The following FSTL5 variants were observed in gnomAD, a reference collection of about 807,000 sequenced individuals.
FSTL5 encodes the protein follistatin-related protein 5.
FSTL5 carries 62 observed loss-of-function variants against 89.1 expected under a neutral mutation model. That is an observed-to-expected ratio of 0.70 (90% CI 0.57 to 0.86). The LOEUF is 0.86. Among genes scored for constraint, FSTL5 ranks in the 40% least tolerant of loss-of-function variants. FSTL5 has a pLI of 0.00. For synonymous variants in FSTL5, 383 were observed against 346.2 expected (o/e 1.11, Z -1.18); for missense variants, 1,057 against 1,001.6 (o/e 1.06, Z -0.75).
At chr4:161,566,534 T>C (rs775705503) in intron 8 of FSTL5, among the ~76,000 whole-genome samples, 19 of 150,784 alleles carry the variant, frequency 1.3e-4, no homozygotes, top group Non-Finnish European at 2.2e-4. Context: ...ATCGCCAAAC[T>C]GTTCTCCACA....
At chr4:161,847,806 G>C (rs1731416386) in intron 4 of FSTL5, among the ~76,000 whole-genome samples, 1 of 151,896 alleles carries the variant, frequency 6.6e-6, no homozygotes, top group African/African-American at 2.4e-5. Context: ...GGAGGCCAGG[G>C]CGGGAAGATC....
chr4:161,543,849 T>C (rs1731915525), intron 8 of FSTL5, among the ~76,000 whole-genome samples: 2 of 152,060 alleles, frequency 1.3e-5, no homozygotes, highest in South Asian at 2.1e-4. Context: ...AAATGGACAA[T>C]TGTTTCTTCT....
chr4:161,940,907 G>T lies in FSTL5; in HGVS notation c.161-20255C>A, dbSNP rs1734563475. 2.0e-5 allele frequency among the ~76,000 whole-genome samples: 3 copies of T among 151,734 alleles called. No homozygotes were observed. The South Asian group carries it at 6.2e-4, about 31-fold the overall frequency. On this transcript the variant is annotated intron_variant, in intron 3 of 15. Transcript: ENST00000306100. ...CAGTATTATTGGACTGAGAGTAGTAGTTCCCTTTTTTGTTTTTCATTATGT... is the reference window on the plus strand; with the variant it reads ...CAGTATTATTGGACTGAGAGTAGTATTTCCCTTTTTTGTTTTTCATTATGT...
chr4:161,918,192 A>C lies in FSTL5; in HGVS notation c.409+2212T>G, dbSNP rs933411884. 2.6e-5 allele frequency among the ~76,000 whole-genome samples: 4 copies of C among 152,190 alleles called. No individual in the cohort carries two copies. The East Asian group carries it at 7.7e-4, about 29-fold the overall frequency. On this transcript the variant is annotated intron_variant, in intron 4 of 15. Transcript: ENST00000306100. The stretch of plus-strand genomic sequence containing the variant: ...TACAGAATCTTCTTTTACAATCAAA[A>C]CTTGGCCCAATGCACACTAATAAGA...
intron 8 of FSTL5, among the ~76,000 whole-genome samples, chr4:161,565,788 TATG>T (rs1380187390): frequency 1.1e-5 from 1 of 88,524 alleles, no homozygotes; most frequent in Non-Finnish European, 2.5e-5. Flanking sequence ...CACACATATA[TATG>T]ATATTTTCTT....
chr4:161,693,031 TTAA>T (rs1738000743), intron 6 of FSTL5, among the ~76,000 whole-genome samples: 1 of 152,140 alleles, frequency 6.6e-6, no homozygotes, highest in Non-Finnish European at 1.5e-5. Context: ...CACTTGTATC[TTAA>T]TATTAGACAT....
At chr4:161,434,880 T>G (rs903572377) in intron 15 of FSTL5, among the ~76,000 whole-genome samples, 2 of 152,076 alleles carry the variant, frequency 1.3e-5, no homozygotes, top group Non-Finnish European at 2.9e-5. Flanking sequence ...AGATATAATC[T>G]CACTCCAGTT....
intron 6 of FSTL5, among the ~76,000 whole-genome samples, chr4:161,756,604 C>G (rs371865240): frequency 6.6e-6 from 1 of 151,982 alleles, no homozygotes; most frequent in Non-Finnish European, 1.5e-5. Flanking sequence ...AAGGACGATG[C>G]ACTGATGTAC....
At chr4:162,098,599 C>T (rs927433694) in intron 2 of FSTL5, among the ~76,000 whole-genome samples, 3 of 151,878 alleles carry the variant, frequency 2.0e-5, no homozygotes, top group African/African-American at 7.2e-5. Context: ...GCAAAACCCC[C>T]AGAATAGTCA....
chr4:161,457,542 G>A (rs545435680), intron 14 of FSTL5, among the ~76,000 whole-genome samples: 23 of 152,062 alleles, frequency 1.5e-4, no homozygotes, highest in Non-Finnish European at 4.4e-5. Context: ...TGCAACGCTG[G>A]GAAAGTTGTT....
rs373939528 is a variant in FSTL5, at chr4:161,432,695, A to G, written c.1841+22309T>C. ...AACAAATCTTTAGCCAGATTAGGGA[A>G]AAAAAAAGATAAGACTCAAATAAAT... On this transcript the variant is annotated intron_variant, in intron 15 of 15. Coordinates refer to ENST00000306100, the MANE Select transcript of FSTL5 (RefSeq NM_020116.5). 1.9e-4 allele frequency among the ~76,000 whole-genome samples: 29 copies of G among 151,858 alleles called. No homozygotes were observed. The East Asian group carries it at 5.6e-3, about 29-fold the overall frequency.
intron 8 of FSTL5, among the ~76,000 whole-genome samples, chr4:161,548,132 C>T (rs1278360845): frequency 2.0e-5 from 3 of 151,838 alleles, no homozygotes; most frequent in South Asian, 2.1e-4. Flanking sequence ...AATCTTTTTT[C>T]ATTTGCATTC....
intron 4 of FSTL5, among the ~76,000 whole-genome samples, chr4:161,850,197 G>A (rs575979274): frequency 7.9e-4 from 121 of 152,256 alleles, no homozygotes; most frequent in Middle Eastern, 3.4e-3. Flanking sequence ...TTAGGGAAAG[G>A]ATGCTATGGT....
chr4:162,097,571 A>T (rs1730815072), intron 2 of FSTL5, among the ~76,000 whole-genome samples: 1 of 151,874 alleles, frequency 6.6e-6, no homozygotes, highest in Admixed American at 6.6e-5. Flanking sequence ...CTATAAGCTA[A>T]TTATATATAC....
intron 12 of FSTL5, among the ~76,000 whole-genome samples, chr4:161,486,361 A>G (rs572492383): frequency 6.6e-6 from 1 of 152,140 alleles, no homozygotes; most frequent in Non-Finnish European, 1.5e-5. Context: ...TTAGGCAGAC[A>G]CTGCTAGACA....
At chr4:161,693,761 C>A (rs1213426964) in intron 6 of FSTL5, among the ~76,000 whole-genome samples, 1 of 151,488 alleles carries the variant, frequency 6.6e-6, no homozygotes, top group Admixed American at 6.6e-5. Context: ...GCCTCAGCCT[C>A]CCGAGTAGCT....
chr4:161,716,463 G>C (rs1738987196), intron 6 of FSTL5, among the ~76,000 whole-genome samples: 1 of 152,000 alleles, frequency 6.6e-6, no homozygotes, highest in South Asian at 2.1e-4. Context: ...CGAGTTTGGT[G>C]GTGTGTGCCT....
At chr4:161,725,545 CAT>C (rs1461900326) in intron 6 of FSTL5, among the ~76,000 whole-genome samples, 3 of 151,336 alleles carry the variant, frequency 2.0e-5, no homozygotes, top group African/African-American at 7.3e-5. Context: ...ATATAATTAA[CAT>C]AAACATACTT....
intron 4 of FSTL5, among the ~76,000 whole-genome samples, chr4:161,900,638 C>CAAAAA (rs58702301): frequency 1.7e-4 from 11 of 65,268 alleles, no homozygotes; most frequent in African/African-American, 4.5e-4. Flanking sequence ...GACTCCATCT[C>CAAAAA]AAAAAAAAAA....
Sources: allele counts gnomAD v4.1 joint callset (sites outside exome capture counted in the v4.1 genomes callset), GRCh38; gene constraint gnomAD v4.1.1; transcripts MANE v1.5; gene names NCBI Gene and HGNC (gene_info 2026-07-23, HGNC 2026-07-21).